Variants in BICC1 observed in about 807,000 individuals in gnomAD.
BICC1 encodes BicC family RNA binding protein 1, also known as protein bicaudal C homolog 1.
Under a neutral mutation model 111.0 loss-of-function variants are expected in BICC1, and 43 were observed. The observed-to-expected ratio is 0.39, with a 90% CI of 0.30 to 0.50. BICC1 has a LOEUF of 0.50. BICC1 is among the 20% of genes least tolerant of loss of function. The probability of loss-of-function intolerance (pLI) is 0.88; values close to 1 mark genes in which losing one functional copy is unlikely to be tolerated. For missense variants in BICC1, 1,091 were observed against 1,203.2 expected (o/e 0.91, Z 1.38); for synonymous variants, 467 against 434.4 (o/e 1.07, Z -0.93).
At chr10:58,564,305 G>A (rs1449213849) in intron 1 of BICC1, among the ~76,000 whole-genome samples, 1 of 152,164 alleles carries the variant, frequency 6.6e-6, no homozygotes, top group Non-Finnish European at 1.5e-5. Context: ...GGCTTTTTCA[G>A]TGAGGCTTGA....
At chr10:58,545,713 C>T (rs765511326) in intron 1 of BICC1, among the ~76,000 whole-genome samples, 8 of 152,094 alleles carry the variant, frequency 5.3e-5, no homozygotes, top group Non-Finnish European at 5.9e-5. Flanking sequence ...AGTAGAAGGA[C>T]GCTTGAGTTC....
intron 3 of BICC1, 140 bp from the exon 4 acceptor site, chr10:58,784,861 T>G: frequency 2.7e-6 from 1 of 376,724 alleles, no homozygotes; most frequent in Non-Finnish European, 4.7e-6. Flanking sequence ...ACCTAGAATT[T>G]TATTATAATA....
intron 1 of BICC1, among the ~76,000 whole-genome samples, chr10:58,599,887 T>A (rs904910566): frequency 2.0e-5 from 3 of 151,886 alleles, no homozygotes; most frequent in African/African-American, 7.3e-5. Context: ...CTGCTCTGAC[T>A]AACATGATTT....
intron 17 of BICC1, among the ~76,000 whole-genome samples, chr10:58,811,584 C>T (rs767133027): frequency 6.6e-6 from 1 of 152,074 alleles, no homozygotes; most frequent in Non-Finnish European, 1.5e-5. Flanking sequence ...AATAATTCCA[C>T]AAATACTAAG....
intron 14 of BICC1, among the ~76,000 whole-genome samples, chr10:58,802,330 A>G (rs1843573267): frequency 6.6e-6 from 1 of 152,176 alleles, no homozygotes. Context: ...AAATTCCTCT[A>G]AATTCCCTTG....
Position 58,642,293 on chromosome 10 carries a change from A to G in BICC1, c.237+21392A>G, listed in dbSNP as rs141981881. On this transcript the variant is annotated intron_variant, in intron 2 of 20. Coordinates refer to ENST00000373886, the MANE Select transcript of BICC1 (RefSeq NM_001080512.3). Reference sequence around the variant, plus strand: ...GCTTCTTATTCCTGAGTTCCGAAAGAGGCTGGGGGTGTTTTCATGTACTGA... The same window carrying G: ...GCTTCTTATTCCTGAGTTCCGAAAGGGGCTGGGGGTGTTTTCATGTACTGA... 4.4e-4 allele frequency among the ~76,000 whole-genome samples: 67 copies of G among 152,264 alleles called. No individual in the cohort carries two copies. The East Asian group carries it at 0.013, about 29-fold the overall frequency.
At chr10:58,538,634 G>T (rs1842883740) in intron 1 of BICC1, among the ~76,000 whole-genome samples, 1 of 151,818 alleles carries the variant, frequency 6.6e-6, no homozygotes, top group African/African-American at 2.4e-5. Context: ...AAAAGCTTCT[G>T]CACAGCAAAA....
At chr10:58,588,872 C>T (rs1037800418) in intron 1 of BICC1, among the ~76,000 whole-genome samples, 1 of 152,204 alleles carries the variant, frequency 6.6e-6, no homozygotes, top group African/African-American at 2.4e-5. Context: ...TTGCGACTCA[C>T]CATCCTGTGT....
chr10:58,672,773 T>G (rs977652723), intron 2 of BICC1, among the ~76,000 whole-genome samples: 8 of 152,204 alleles, frequency 5.3e-5, no homozygotes, highest in African/African-American at 1.9e-4. Flanking sequence ...ACTGGTTACA[T>G]TTCCTAATAC....
intron 3 of BICC1, among the ~76,000 whole-genome samples, chr10:58,759,054 G>A (rs7087746): frequency 2.2e-3 from 340 of 151,884 alleles, no homozygotes; most frequent in African/African-American, 7.9e-3. Context: ...CTGTCTCCCG[G>A]GTTCAAGTGA....
At chr10:58,551,335 A>G (rs1843290778) in intron 1 of BICC1, among the ~76,000 whole-genome samples, 3 of 152,282 alleles carry the variant, frequency 2.0e-5, no homozygotes, top group Admixed American at 2.0e-4. Context: ...TTAAGCTGCA[A>G]AACTTTTATT....
chr10:58,549,943 C>T (rs2131910349), intron 1 of BICC1, among the ~76,000 whole-genome samples: 1 of 152,108 alleles, frequency 6.6e-6, no homozygotes, highest in African/African-American at 2.4e-5. Flanking sequence ...CCTGCCTCGG[C>T]CTCCCAAAGT....
At chr10:58,592,011 CAT>C in intron 1 of BICC1, among the ~76,000 whole-genome samples, 1 of 152,276 alleles carries the variant, frequency 6.6e-6, no homozygotes, top group Admixed American at 6.5e-5. Context: ...GAATATGACA[CAT>C]CTTTGTATTC....
rs1368641155 is a variant in BICC1 at position 58,562,724 on chromosome 10, C to T, written c.190+49391C>T. ...ACATTGATATCTGTGCTCACTGCTT[C>T]TGATTTTATGTAGTTTTTGTAAGGA... is the stretch of plus-strand genomic sequence containing the variant. On this transcript the variant is annotated intron_variant, in intron 1 of 20. Coordinates refer to ENST00000373886, the MANE Select transcript of BICC1 (RefSeq NM_001080512.3). Among the ~76,000 whole-genome samples, 4 of 146,734 alleles carry T rather than the reference C, an allele frequency of 2.7e-5. No individual in the cohort carries two copies. The East Asian group carries it at 6.1e-4, about 22-fold the overall frequency.
At position 58,798,464 on chromosome 10, in the gene BICC1, C is replaced by G; in HGVS notation, c.1432C>G (p.Leu478Val). 1 of 1,613,438 alleles carries G rather than the reference C, an allele frequency of 6.2e-7. No individual in the cohort carries two copies. Among genetic ancestry groups the G allele is most frequent in the South Asian group, 1.1e-5 (1 of 91,024 alleles). ...STTPNSLLNA[L>V]NSSVSPLQSP... is the part of the protein sequence containing the mutation. The stretch of plus-strand genomic sequence containing the variant: ...AACCCCAAACTCACTCTTGAATGCT[C>G]TTAATAGCTCAGTCAGTCCTTTGCA... Residue 478 changes from leucine (L) to valine (V), a missense_variant, in exon 11 of 21, where the codon CTT (leucine) becomes GTT (valine). By Grantham distance (32) the Leu-to-Val change is conservative (BLOSUM62 1). This residue lies in a region of BICC1 where 843 missense variants were observed against 900.8 expected (regional missense o/e 0.94). Transcript: ENST00000373886.
intron 2 of BICC1, among the ~76,000 whole-genome samples, chr10:58,691,339 A>G (rs1044146671): frequency 6.6e-5 from 10 of 152,210 alleles, no homozygotes; most frequent in African/African-American, 2.4e-4. Context: ...GTAGTTACCC[A>G]TGAGATCTGA....
intron 3 of BICC1, among the ~76,000 whole-genome samples, chr10:58,767,182 C>T (rs1837397076): frequency 6.6e-6 from 1 of 151,984 alleles, no homozygotes; most frequent in African/African-American, 2.4e-5. Flanking sequence ...CAAGCCTTTA[C>T]AGGTGGTTTG....
intron 2 of BICC1, among the ~76,000 whole-genome samples, chr10:58,672,965 A>C (rs2132329447): frequency 6.6e-6 from 1 of 152,300 alleles, no homozygotes; most frequent in Non-Finnish European, 1.5e-5. Flanking sequence ...CTTTTACTAT[A>C]AGAATCACAT....
At position 58,665,973 on chromosome 10, in the gene BICC1, C is replaced by T. The variant is rs927480316; in HGVS notation, c.238-36101C>T. On this transcript the variant is annotated intron_variant, in intron 2 of 20. Coordinates refer to ENST00000373886, the MANE Select transcript of BICC1 (RefSeq NM_001080512.3). ...ACATCCAGTTTACCCTCTTGCTAGA[C>T]GTACAAGTTCCTTATGTTCTCATAC... Among the ~76,000 whole-genome samples, 6 of 152,230 alleles carry T rather than the reference C, an allele frequency of 3.9e-5. No homozygotes were observed. The South Asian group carries it at 8.3e-4, about 21-fold the overall frequency.
Sources: gnomAD v4.1 joint callset for allele counts (sites outside exome capture counted in the v4.1 genomes callset) on GRCh38, gnomAD v4.1.1 for gene constraint, gnomAD v4.1.1 regional missense constraint, MANE v1.5 for transcripts, NCBI Gene and HGNC (gene_info 2026-07-23, HGNC 2026-07-21) for gene names.